Variants in PPP1R9A observed in about 807,000 individuals in gnomAD.
PPP1R9A encodes neurabin-1.
A neutral mutation model predicts 141.9 loss-of-function variants in PPP1R9A; 59 were observed. The ratio of observed to expected loss-of-function variants is 0.42; its 90% CI spans 0.34 to 0.52. The LOEUF (loss-of-function observed/expected upper bound fraction) is 0.52. Among genes scored for constraint, PPP1R9A ranks in the 20% least tolerant of loss-of-function variants. The probability of loss-of-function intolerance (pLI) is 0.10; values close to 1 mark genes in which losing one functional copy is unlikely to be tolerated. For missense variants in PPP1R9A, 1,444 were observed against 1,611.9 expected (o/e 0.90, Z 1.78); for synonymous variants, 500 against 569.7 (o/e 0.88, Z 1.74).
At chr7:94,974,989 T>C (rs1035304747) in intron 2 of PPP1R9A, among the ~76,000 whole-genome samples, 3 of 152,182 alleles carry the variant, frequency 2.0e-5, no homozygotes, top group Admixed American at 6.5e-5. Context: ...TATGTCCCTA[T>C]ATATAAATGA....
chr7:95,228,227 G>A (rs1443533632), intron 8 of PPP1R9A, among the ~76,000 whole-genome samples: 1 of 152,090 alleles, frequency 6.6e-6, no homozygotes, highest in Non-Finnish European at 1.5e-5. Flanking sequence ...CATACTTTGG[G>A]CCTGTTTTGT....
intron 7 of PPP1R9A, among the ~76,000 whole-genome samples, chr7:95,225,332 A>G (rs1794992360): frequency 6.6e-6 from 1 of 152,112 alleles, no homozygotes; most frequent in South Asian, 2.1e-4. Context: ...TATGTGAAAC[A>G]TTTTTCTCAC....
intron 5 of PPP1R9A, chr7:95,174,938 T>A (rs1832683588): frequency 6.6e-6 from 1 of 152,138 alleles, no homozygotes; most frequent in Non-Finnish European, 1.5e-5. Flanking sequence ...AACAACTAAC[T>A]TTTATTACCT....
At chr7:95,255,460 G>A (rs189120608) in intron 12 of PPP1R9A, among the ~76,000 whole-genome samples, 11 of 152,222 alleles carry the variant, frequency 7.2e-5, no homozygotes, top group East Asian at 5.8e-4. Context: ...CTATTCTACC[G>A]TGAGAGATCA....
Position 94,934,939 on chromosome 7 carries a change from G to A in PPP1R9A, c.1395+23431G>A, listed in dbSNP as rs576051707. Among the ~76,000 whole-genome samples, 3 of 152,110 alleles carry A rather than the reference G, an allele frequency of 2.0e-5. No homozygotes were observed. The South Asian group carries it at 6.2e-4, about 32-fold the overall frequency. ...ACAGGTGTGGTCATAATTCACTGAA[G>A]CTTCAAACTCCTGGGCTCAAGTGAT... On this transcript the variant is annotated intron_variant, in intron 2 of 19. Coordinates refer to ENST00000433360, the MANE Select transcript of PPP1R9A (RefSeq NM_001166160.2).
chr7:94,913,903 A>AAACAG (rs1465849255), intron 2 of PPP1R9A, among the ~76,000 whole-genome samples: 3 of 152,162 alleles, frequency 2.0e-5, no homozygotes, highest in Non-Finnish European at 4.4e-5. Context: ...AATCCATAAA[A>AAACAG]AACAGTATAA....
chr7:95,290,292 G>T lies in PPP1R9A; in HGVS notation c.4114G>T (p.Gly1372Cys). ...KMTSTTAEGA[G>C]EQ is the part of the protein sequence containing the mutation. ...GACGTCAACTACAGCCGAGGGTGCT[G>T]GTGAGCAGTAACACATACCCTCTTA... The change falls in exon 20 of 20, where the codon GGT becomes TGT. Residue 1372 changes from glycine (G) to cysteine (C), a missense_variant. Physicochemically the swap from Gly to Cys is radical, Grantham distance 159. Coordinates refer to ENST00000433360, the MANE Select transcript of PPP1R9A (RefSeq NM_001166160.2). The T allele has an allele frequency of 6.2e-7, 1 of 1,609,816 alleles. No individual in the cohort carries two copies. The highest frequency in any genetic ancestry group is 1.7e-5 in the Admixed American group (1 of 59,556).
chr7:95,272,052 A>G (rs114896459), intron 14 of PPP1R9A, among the ~76,000 whole-genome samples: 1 of 152,200 alleles, frequency 6.6e-6, no homozygotes, highest in Non-Finnish European at 1.5e-5. Context: ...ATAAAGATGT[A>G]AGGTTGCCTA....
At chr7:95,164,990 CA>C (rs1245778396) in intron 5 of PPP1R9A, among the ~76,000 whole-genome samples, 1 of 151,980 alleles carries the variant, frequency 6.6e-6, no homozygotes. Context: ...CCCCTTCCCC[CA>C]AAAAACTCCA....
intron 2 of PPP1R9A, among the ~76,000 whole-genome samples, chr7:94,933,490 A>ATGTGT (rs1436084818): frequency 1.3e-5 from 2 of 152,178 alleles, no homozygotes; most frequent in African/African-American, 4.8e-5. Flanking sequence ...TTGGAGACAC[A>ATGTGT]GCTCCAGTGT....
chr7:95,184,828 T>A (rs1341159017), intron 5 of PPP1R9A, among the ~76,000 whole-genome samples: 2 of 151,990 alleles, frequency 1.3e-5, no homozygotes, highest in African/African-American at 4.8e-5. Context: ...TAGTATTCCA[T>A]GCTGTATATA....
Position 95,294,161 on chromosome 7 carries a change from G to C in PPP1R9A, c.*3858G>C, listed in dbSNP as rs1441362534. The C allele has an allele frequency of 6.6e-6, 1 of 151,940 alleles. No homozygotes were observed. Among genetic ancestry groups the C allele is most frequent in the Non-Finnish European group, 1.5e-5 (1 of 68,006 alleles). 9.4% of individuals were successfully genotyped at this position (151,940 alleles called of 1,614,324 possible). On this transcript the variant is annotated 3_prime_UTR_variant, in exon 20 of 20. Coordinates refer to ENST00000433360, the MANE Select transcript of PPP1R9A (RefSeq NM_001166160.2). Reference sequence around the variant, plus strand: ...AGGTAAAATGGAAGAGAAAAGCACAGTCCTTTCCTGTCTTTTCAAATTTAC... The same window carrying C: ...AGGTAAAATGGAAGAGAAAAGCACACTCCTTTCCTGTCTTTTCAAATTTAC...
intron 6 of PPP1R9A, among the ~76,000 whole-genome samples, chr7:95,203,185 T>G (rs1230904739): frequency 6.6e-6 from 1 of 152,054 alleles, no homozygotes; most frequent in Non-Finnish European, 1.5e-5. Flanking sequence ...TCTTTTAAAG[T>G]ATTGAATACA....
intron 4 of PPP1R9A, among the ~76,000 whole-genome samples, chr7:95,122,146 A>ATT (rs1273220292): frequency 1.7e-4 from 23 of 133,900 alleles, no homozygotes; most frequent in African/African-American, 4.2e-4. Flanking sequence ...CCAGAGCACC[A>ATT]TTTTTTTTTT....
chr7:94,945,095 T>C lies in PPP1R9A; in HGVS notation c.1395+33587T>C, dbSNP rs138260562. On this transcript the variant is annotated intron_variant, in intron 2 of 19. Coordinates refer to ENST00000433360, the MANE Select transcript of PPP1R9A (RefSeq NM_001166160.2). ...TTTCATGGGCCATGAATATACCCTGTATATGTTTATATGCCTGTATATATG... is the reference window on the plus strand; with the variant it reads ...TTTCATGGGCCATGAATATACCCTGCATATGTTTATATGCCTGTATATATG... Among the ~76,000 whole-genome samples the C allele has an allele frequency of 4.6e-3, 704 of 152,196 alleles. 4 individuals are homozygous for C. The highest frequency in any genetic ancestry group is 0.015 in the African/African-American group (617 of 41,550).
intron 4 of PPP1R9A, among the ~76,000 whole-genome samples, chr7:95,159,987 A>G (rs1450026446): frequency 6.6e-6 from 1 of 151,568 alleles, no homozygotes; most frequent in East Asian, 1.9e-4. Context: ...GCACAATGCT[A>G]GGATTTTATA....
At chr7:95,157,296 G>T (rs563044580) in intron 4 of PPP1R9A, among the ~76,000 whole-genome samples, 4 of 152,050 alleles carry the variant, frequency 2.6e-5, no homozygotes, top group African/African-American at 4.8e-5. Context: ...GTCTGCAGCC[G>T]CAATATGGGC....
intron 2 of PPP1R9A, among the ~76,000 whole-genome samples, chr7:95,089,751 T>C (rs1817089628): frequency 1.3e-5 from 2 of 151,728 alleles, no homozygotes; most frequent in Admixed American, 1.3e-4. Flanking sequence ...AACTAACTTA[T>C]AATATTACTG....
rs1352537915 is a variant in PPP1R9A, at chr7:95,273,784, T to C, written c.3125-115T>C. ...GTCGTATAAGAAGGCATTGATTATT[T>C]ATTTTACAATTAGGAATTTAGGCAA... is the stretch of plus-strand genomic sequence containing the variant. On this transcript the variant is annotated intron_variant, in intron 14 of 19. Coordinates refer to ENST00000433360, the MANE Select transcript of PPP1R9A (RefSeq NM_001166160.2). The C allele has an allele frequency of 2.9e-5, 29 of 1,007,746 alleles. No individual in the cohort carries two copies. In the East Asian group the frequency reaches 7.0e-4, roughly 24 times the overall value. 62.4% of individuals were successfully genotyped at this position (1,007,746 alleles called of 1,614,324 possible). A position where few individuals can be genotyped will look rare whatever the true frequency, so the allele number is the denominator to read the frequency against.
Sources: allele counts gnomAD v4.1 joint callset (sites outside exome capture counted in the v4.1 genomes callset), GRCh38; gene constraint gnomAD v4.1.1; transcripts MANE v1.5; gene names NCBI Gene and HGNC (gene_info 2026-07-23, HGNC 2026-07-21).